The following ACE variants were observed in gnomAD, a reference collection of about 807,000 sequenced individuals.
The protein encoded by ACE is angiotensin-converting enzyme.
A neutral mutation model predicts 162.3 loss-of-function variants in ACE; 122 were observed. The ratio of observed to expected loss-of-function variants is 0.75; its 90% confidence interval spans 0.65 to 0.87. The LOEUF is 0.87. Ranked by LOEUF, ACE falls within the 40% of genes least tolerant of loss-of-function variation. ACE has a pLI of 0.00. For synonymous variants in ACE, 796 were observed against 720.6 expected (o/e 1.10, Z -1.68); for missense variants, 1,799 against 1,735.1 (o/e 1.04, Z -0.65).
rs376302785 is a variant in ACE, at chr17:63,490,921, C to T, written c.2642-33C>T. 2.2e-5 allele frequency: 36 copies of T among 1,603,058 alleles called. No homozygotes were observed. In the Admixed American group the frequency reaches 2.3e-4, roughly 10 times the overall value. ...TTGAGCCTAAGTAACATTTGTCTTT[C>T]CTCTCTCTGCCGTCCCCCACACTCG... On this transcript the variant is annotated intron_variant, in intron 17 of 24. Transcript: ENST00000290866.
intron 17 of ACE, chr17:63,490,647 C>G: frequency 2.3e-6 from 1 of 429,414 alleles, no homozygotes; most frequent in Non-Finnish European, 4.4e-6. Flanking sequence ...TTCTGGGGAC[C>G]TGTAATGTCC....
chr17:63,485,554 G>A (rs1048111741), intron 13 of ACE, 182 bp downstream of exon 13: 3 of 786,356 alleles, frequency 3.8e-6, no homozygotes, highest in African/African-American at 1.7e-5. Flanking sequence ...GGGGAGGCGG[G>A]CGGATCACGA....
At chr17:63,485,039 G>GC (rs763902829) in intron 12 of ACE, 197 bp from the exon 13 acceptor site, 9 of 1,589,054 alleles carry the variant, frequency 5.7e-6, no homozygotes, top group Non-Finnish European at 7.7e-6. Context: ...CCAGGCGACG[G>GC]CCCACCAGAC....
chr17:63,481,840 T>C, intron 7 of ACE, 102 bp downstream of exon 7: 1 of 1,484,316 alleles, frequency 6.7e-7, no homozygotes, highest in Non-Finnish European at 9.4e-7. Context: ...GGCCTGCCTC[T>C]ACCCTACCCC....
At chr17:63,488,609 G>A (rs1266830974) in intron 15 of ACE, 39 bp from the exon 16 acceptor site, 1 of 1,608,402 alleles carries the variant, frequency 6.2e-7, no homozygotes, top group Non-Finnish European at 8.5e-7. Context: ...GCAGAGGTGA[G>A]CTAAGGGCTG....
chr17:63,484,482 TG>T lies in ACE; in HGVS notation c.1865del (p.Gly622AlafsTer19), dbSNP rs772014965. 4 of 1,610,516 alleles carry T rather than the reference TG, an allele frequency of 2.5e-6. No homozygotes were observed. The highest frequency in any genetic ancestry group is 3.4e-6 in the Non-Finnish European group (4 of 1,179,520). ...CAGAACCAGCAGAACGGCGAGGTCC[TG>T]GGCTGGCCCGAGTACCAGTGGCACC... Reference protein sequence around the residue: ...QEQNQQNGEVLGWPEYQWHPP... With the variant: ...QEQNQQNGEVXGWPEYQWHPP... On this transcript the variant is annotated frameshift_variant, in exon 12 of 25. Coordinates refer to ENST00000290866, the MANE Select transcript of ACE (RefSeq NM_000789.4). LOFTEE classifies it high-confidence loss of function. The surrounding 1 kb of genome is among the most constrained non-coding windows in gnomAD (Gnocchi z 4.0).
At position 63,477,083 on chromosome 17, in the gene ACE, G is replaced by T. The variant is rs1366878729; in HGVS notation, c.-12G>T. ...AGGAGAAGGGGCAGAGCCGAGCACC[G>T]CGCACCGCGTCATGGGGGCCGCCTC... On this transcript the variant is annotated 5_prime_UTR_variant, in exon 1 of 25. Coordinates refer to ENST00000290866, the MANE Select transcript of ACE (RefSeq NM_000789.4). The T allele has an allele frequency of 2.7e-5, 35 of 1,299,740 alleles. No homozygotes were observed. Among genetic ancestry groups the T allele is most frequent in the Non-Finnish European group, 3.3e-5 (34 of 1,031,560 alleles). 80.5% of individuals were successfully genotyped at this position (1,299,740 alleles called of 1,614,324 possible).
chr17:63,496,872 G>A lies in ACE; in HGVS notation c.3578G>A (p.Ser1193Asn), dbSNP rs780228220. Residue 1193 changes from serine (S) to asparagine (N), a missense_variant, in exon 24 of 25, where the codon AGC becomes AAC. Coordinates refer to ENST00000290866, the MANE Select transcript of ACE (RefSeq NM_000789.4). ...CTGATCACGGGCCAGCCCAACATGA[G>A]CGCCTCGGCCATGTTGAGCTACTTC... is the stretch of plus-strand genomic sequence containing the variant. The part of the protein sequence containing the change: ...MQLITGQPNM[S>N]ASAMLSYFKP... The A allele has an allele frequency of 1.9e-6, 3 of 1,613,526 alleles. No homozygotes were observed. The highest frequency in any genetic ancestry group is 4.5e-5 in the East Asian group (2 of 44,896).
In ACE at chr17:63,491,341, C is replaced by T; in HGVS notation, c.2872C>T (p.His958Tyr). 1.9e-6 allele frequency: 3 copies of T among 1,614,120 alleles called. No homozygotes were observed. Among genetic ancestry groups the T allele is most frequent in the African/African-American group, 1.3e-5 (1 of 75,030 alleles). The change falls in exon 19 of 25, where the codon CAC becomes TAC. Residue 958 changes from histidine (H) to tyrosine (Y), a missense_variant. Transcript: ENST00000290866. The surrounding 1 kb of genome is among the most constrained non-coding windows in gnomAD (Gnocchi z 4.4). ...KPTDGREVVC[H>Y]ASAWDFYNGK... ...AACCGACGGGCGGGAGGTGGTCTGCCACGCCTCGGCCTGGGACTTCTACAA... is the reference window on the plus strand; with the variant it reads ...AACCGACGGGCGGGAGGTGGTCTGCTACGCCTCGGCCTGGGACTTCTACAA...
intron 9 of ACE, 39 bp downstream of exon 9, chr17:63,483,212 C>T (rs1465662619): frequency 6.2e-7 from 1 of 1,611,978 alleles, no homozygotes; most frequent in Non-Finnish European, 8.5e-7. Flanking sequence ...CCCAGCTAGC[C>T]CTCCCCAGCC....
Position 63,489,143 on chromosome 17 carries a change from A to G in ACE, c.2641+11A>G, listed in dbSNP as rs1185300095. The G allele has an allele frequency of 6.2e-7, 1 of 1,605,636 alleles. No individual in the cohort carries two copies. The highest frequency in any genetic ancestry group is 1.7e-5 in the Admixed American group (1 of 60,004). On this transcript the variant is annotated intron_variant, in intron 17 of 24. Transcript: ENST00000290866. ...CTGCTCACCTGCTGGGTAAGGGCAC[A>G]TGTCGGGCCTTGAGGAGGGTAAAGA...
rs746616857 is a variant in ACE at position 63,489,147 on chromosome 17, C to T, written c.2641+15C>T. The T allele has an allele frequency of 9.4e-6, 15 of 1,604,228 alleles. No homozygotes were observed. Among genetic ancestry groups the T allele is most frequent in the Admixed American group, 3.3e-5 (2 of 59,986 alleles). On this transcript the variant is annotated intron_variant, in intron 17 of 24. Transcript: ENST00000290866. The stretch of plus-strand genomic sequence containing the variant: ...TCACCTGCTGGGTAAGGGCACATGT[C>T]GGGCCTTGAGGAGGGTAAAGACGGA...
At position 63,497,828 on chromosome 17, in the gene ACE, G is replaced by A. The variant is rs774754432; in HGVS notation, c.*462G>A. The stretch of plus-strand genomic sequence containing the variant: ...GGCAGCCCGCCACTGTCCTGCCACC[G>A]CAGGCAGCCCCTGTCTGGCCCAAGC... On this transcript the variant is annotated 3_prime_UTR_variant, in exon 25 of 25. Transcript: ENST00000290866. The A allele has an allele frequency of 1.7e-5, 6 of 343,416 alleles. 1 individual carries two copies. Among genetic ancestry groups the A allele is most frequent in the African/African-American group, 1.1e-4 (5 of 46,688 alleles). 21.3% of individuals were successfully genotyped at this position (343,416 alleles called of 1,614,324 possible).
Position 63,477,098 on chromosome 17 carries a change from G to A in ACE, c.4G>A (p.Gly2Arg). The change falls in exon 1 of 25, where the codon GGG (glycine) becomes AGG (arginine). Residue 2 changes from glycine (G) to arginine (R), a missense_variant. Gly to Arg is a moderately radical substitution (Grantham distance 125). Transcript: ENST00000290866. The stretch of plus-strand genomic sequence containing the variant: ...GCCGAGCACCGCGCACCGCGTCATG[G>A]GGGCCGCCTCGGGCCGCCGGGGGCC... M[G>R]AASGRRGPGL... 2 of 1,310,494 alleles carry A rather than the reference G, an allele frequency of 1.5e-6. No homozygotes were observed. The highest frequency in any genetic ancestry group is 1.9e-6 in the Non-Finnish European group (2 of 1,037,892). The allele number at this position is 1,310,494 out of a possible 1,614,324, so 81.2% of individuals were successfully genotyped here.
intron 17 of ACE, chr17:63,489,751 C>G (rs2030243831): frequency 6.3e-6 from 1 of 158,882 alleles, no homozygotes; most frequent in Non-Finnish European, 1.4e-5. Flanking sequence ...GTTAGGAACA[C>G]TTTCCTGGAG....
In ACE at chr17:63,496,170, G is replaced by A. The variant is rs1427795819; in HGVS notation, c.3381-224G>A. On this transcript the variant is annotated intron_variant, in intron 22 of 24. Coordinates refer to ENST00000290866, the MANE Select transcript of ACE (RefSeq NM_000789.4). ...GAGTTGTGGAGGCAGCTCTGTGGGT[G>A]GGAGGCATCTACACAGGCACGGCTA... 3 of 597,610 alleles carry A rather than the reference G, an allele frequency of 5.0e-6. No homozygotes were observed. In the Admixed American group the frequency reaches 8.1e-5, roughly 16 times the overall value. 37.0% of individuals were successfully genotyped at this position (597,610 alleles called of 1,614,324 possible). A position where few individuals can be genotyped will look rare whatever the true frequency, so the allele number is the denominator to read the frequency against.
In ACE at chr17:63,497,247, G is replaced by T. The variant is rs757997489; in HGVS notation, c.3802G>T (p.Ala1268Ser). ...GTGGCTGCTGCTCTTCCTGGGCATC[G>T]CCCTGCTGGTAGCCACCCTGGGCCT... Reference protein sequence around the residue: ...GQWLLLFLGIALLVATLGLSQ... With the variant: ...GQWLLLFLGISLLVATLGLSQ... The change falls in exon 25 of 25, where the codon GCC becomes TCC. Residue 1268 changes from alanine to serine, a missense_variant. Transcript: ENST00000290866. The T allele has an allele frequency of 1.3e-6, 2 of 1,578,456 alleles. No homozygotes were observed. The highest frequency in any genetic ancestry group is 2.3e-5 in the East Asian group (1 of 43,632).
chr17:63,491,056 G>T lies in ACE; in HGVS notation c.2739+5G>T. The T allele has an allele frequency of 6.2e-7, 1 of 1,614,006 alleles. No homozygotes were observed. Among genetic ancestry groups the T allele is most frequent in the South Asian group, 1.1e-5 (1 of 91,082 alleles). ...ACAGAGGCTATGCTAAAGCAGGTCCGCACCAGCCCAGGGGCAGGGAGGCCC... is the reference window on the plus strand; with the variant it reads ...ACAGAGGCTATGCTAAAGCAGGTCCTCACCAGCCCAGGGGCAGGGAGGCCC... On this transcript the variant is annotated splice_donor_5th_base_variant and intron_variant, in intron 18 of 24. Coordinates refer to ENST00000290866, the MANE Select transcript of ACE (RefSeq NM_000789.4). This position sits in a 1 kb window ranked among gnomAD's most constrained non-coding sequence, Gnocchi z 4.4.
Position 63,497,931 on chromosome 17 carries a change from C to T in ACE, c.*565C>T, listed in dbSNP as rs1020533507. The T allele has an allele frequency of 2.3e-5, 5 of 213,292 alleles. No homozygotes were observed. Among genetic ancestry groups the T allele is most frequent in the African/African-American group, 1.2e-4 (5 of 42,544 alleles). The allele number at this position is 213,292 out of a possible 1,614,324, so 13.2% of individuals were successfully genotyped here. ...TTTCCACTGGCAGTGGAGCCTTTCCCTGCTCCACAAATGGCCAGGTCCCCC... is the reference window on the plus strand; with the variant it reads ...TTTCCACTGGCAGTGGAGCCTTTCCTTGCTCCACAAATGGCCAGGTCCCCC... On this transcript the variant is annotated 3_prime_UTR_variant, in exon 25 of 25. Coordinates refer to ENST00000290866, the MANE Select transcript of ACE (RefSeq NM_000789.4).
Sources: gnomAD v4.1 joint callset for allele counts on GRCh38, gnomAD v4.1.1 for gene constraint, Gnocchi (gnomAD v3.1) non-coding constraint, MANE v1.5 for transcripts, NCBI Gene and HGNC (gene_info 2026-07-23, HGNC 2026-07-21) for gene names.